Variants in FOXP2 observed in about 807,000 individuals in gnomAD.
FOXP2 encodes the protein forkhead box protein P2.
Under a neutral mutation model 115.8 loss-of-function variants are expected in FOXP2, and 12 were observed. The ratio of observed to expected loss-of-function variants is 0.10; its 90% confidence interval spans 0.07 to 0.17. FOXP2 has a LOEUF of 0.17. Ranked by LOEUF, FOXP2 falls within the 10% of genes least tolerant of loss-of-function variation. The pLI is 1.00. For synonymous variants in FOXP2, 328 were observed against 297.7 expected, an observed-to-expected ratio of 1.10 and a Z score of -1.05; for missense variants, 629 against 843.5, an observed-to-expected ratio of 0.75 and a Z score of 3.15.
intron 2 of FOXP2, among the ~76,000 whole-genome samples, chr7:114,435,338 G>A (rs1333096216): frequency 6.6e-6 from 1 of 152,016 alleles, no homozygotes; most frequent in African/African-American, 2.4e-5. Context: ...GGCAGAAAAA[G>A]GGTAGAAAGA....
chr7:114,667,356 G>A (rs1191244534), intron 16 of FOXP2: 1 of 152,102 alleles, frequency 6.6e-6, no homozygotes, highest in African/African-American at 2.4e-5. Context: ...TGAGCCTAGG[G>A]ATTTCGAGGT....
At position 114,690,215 on chromosome 7, in the gene FOXP2, C is replaced by T. The variant is rs1470223823; in HGVS notation, c.*289C>T. On this transcript the variant is annotated 3_prime_UTR_variant, in exon 17 of 17. Transcript: ENST00000350908. ...ACTGTTCTTTCTATAATGGCTTTGC[C>T]CATTTAAAAAATGTGGCTCTTAAGG... is the stretch of plus-strand genomic sequence containing the variant. The T allele has an allele frequency of 2.1e-6, 1 of 487,368 alleles. No individual in the cohort carries two copies. Among genetic ancestry groups the T allele is most frequent in the Admixed American group, 2.3e-5 (1 of 43,260 alleles). The allele number at this position is 487,368 out of a possible 1,614,324, so 30.2% of individuals were successfully genotyped here.
chr7:114,446,574 T>C lies in FOXP2; in HGVS notation c.168+19895T>C, dbSNP rs542221462. ...TTATATATAATCATTCTTTATATAC[T>C]CTTTAAATATACCAATATTATAGCT... On this transcript the variant is annotated intron_variant, in intron 2 of 16. Coordinates refer to ENST00000350908, the MANE Select transcript of FOXP2 (RefSeq NM_014491.4). Among the ~76,000 whole-genome samples the C allele has an allele frequency of 2.6e-5, 4 of 152,134 alleles. No individual in the cohort carries two copies. The South Asian group carries it at 8.3e-4, about 32-fold the overall frequency.
At chr7:114,557,272 A>G (rs1299909409) in intron 3 of FOXP2, among the ~76,000 whole-genome samples, 1 of 152,180 alleles carries the variant, frequency 6.6e-6, no homozygotes, top group African/African-American at 2.4e-5. Context: ...AGCCATCCTG[A>G]AAGCCATTTC....
At chr7:114,579,258 G>T (rs998620721) in intron 3 of FOXP2, among the ~76,000 whole-genome samples, 2 of 152,166 alleles carry the variant, frequency 1.3e-5, no homozygotes, top group South Asian at 2.1e-4. Flanking sequence ...GACACTCAAT[G>T]TATAAAGCCC....
At chr7:114,265,112 A>G (rs559556639) in intron 1 of FOXP2, among the ~76,000 whole-genome samples, 1 of 152,332 alleles carries the variant, frequency 6.6e-6, no homozygotes, top group South Asian at 2.1e-4. Context: ...GCCTTTCCCA[A>G]CAGTTCCCCA....
intron 2 of FOXP2, among the ~76,000 whole-genome samples, chr7:114,370,657 G>T (rs1328727740): frequency 1.3e-5 from 2 of 152,156 alleles, no homozygotes; most frequent in East Asian, 3.8e-4. Context: ...AACTCTTAGA[G>T]TTCCTGTGTG....
intron 10 of FOXP2, among the ~76,000 whole-genome samples, chr7:114,654,743 G>A (rs1454874643): frequency 8.5e-5 from 13 of 152,130 alleles, no homozygotes. Context: ...GGTAACTCTA[G>A]TTTAATGAAA....
At chr7:114,498,286 C>T (rs1797413525) in intron 2 of FOXP2, among the ~76,000 whole-genome samples, 1 of 152,088 alleles carries the variant, frequency 6.6e-6, no homozygotes, top group Non-Finnish European at 1.5e-5. Context: ...AGATGAGCTC[C>T]ACAATGGTTT....
intron 3 of FOXP2, among the ~76,000 whole-genome samples, chr7:114,563,651 C>A (rs1800859995): frequency 6.6e-6 from 1 of 152,202 alleles, no homozygotes; most frequent in Non-Finnish European, 1.5e-5. Flanking sequence ...ATTACCACTA[C>A]ATAAGTTGCT....
At chr7:114,406,966 T>A (rs1376317568) in intron 2 of FOXP2, among the ~76,000 whole-genome samples, 1 of 152,004 alleles carries the variant, frequency 6.6e-6, no homozygotes, top group Non-Finnish European at 1.5e-5. Context: ...TATGTCTGCT[T>A]GTTTTAGTAA....
intron 1 of FOXP2, among the ~76,000 whole-genome samples, chr7:114,128,583 A>T (rs1367479810): frequency 1.3e-5 from 2 of 152,008 alleles, no homozygotes; most frequent in African/African-American, 4.8e-5. Flanking sequence ...TCCCTCAAAT[A>T]ACTCACTAGT....
At chr7:114,417,855 A>T (rs1429909829) in intron 1 of FOXP2, among the ~76,000 whole-genome samples, 1 of 151,920 alleles carries the variant, frequency 6.6e-6, no homozygotes, top group Non-Finnish European at 1.5e-5. Context: ...GTATTTTCTT[A>T]TAGCATTCTT....
rs545282425 is a variant in FOXP2, at chr7:114,382,605, T to TA, written c.-10-43896dup. Reference sequence around the variant, plus strand: ...GACTAAAGCAGTGGCCTTTTTTTTTTATCCCGTTTGTCCCATTTTGCCTGC... The same window carrying TA: ...GACTAAAGCAGTGGCCTTTTTTTTTTAATCCCGTTTGTCCCATTTTGCCTGC... On this transcript the variant is annotated intron_variant, in intron 2 of 17. Transcript: ENST00000634411. Among the ~76,000 whole-genome samples, 117 of 152,182 alleles carry TA rather than the reference T, an allele frequency of 7.7e-4. 1 individual carries two copies. The highest frequency in any genetic ancestry group is 2.7e-3 in the African/African-American group (114 of 41,516).
At chr7:114,113,629 G>C (rs1379513825) in intron 1 of FOXP2, among the ~76,000 whole-genome samples, 2 of 151,970 alleles carry the variant, frequency 1.3e-5, no homozygotes, top group African/African-American at 4.8e-5. Context: ...TCAGCCTCCT[G>C]AGTACCCAGG....
chr7:114,507,515 C>T (rs1797879763), intron 2 of FOXP2, among the ~76,000 whole-genome samples: 1 of 151,832 alleles, frequency 6.6e-6, no homozygotes, highest in South Asian at 2.1e-4. Flanking sequence ...ATGTTAAAAA[C>T]TGAGAAATAA....
intron 2 of FOXP2, among the ~76,000 whole-genome samples, chr7:114,495,655 G>A (rs931072758): frequency 2.0e-5 from 3 of 151,620 alleles, no homozygotes; most frequent in Non-Finnish European, 4.4e-5. Context: ...ACAGGCATGT[G>A]CCACCATGCT....
rs143112488 is a variant in FOXP2, at chr7:114,451,169, G to A, written c.168+24490G>A. Among the ~76,000 whole-genome samples the A allele has an allele frequency of 2.3e-3, 355 of 152,172 alleles. 1 individual carries two copies. The highest frequency in any genetic ancestry group is 8.2e-3 in the African/African-American group (341 of 41,542). ...CTATTTTCCCAGCAGAACCTGGGAA[G>A]CATTTTAATGCTTGTTCTTTCAAGT... On this transcript the variant is annotated intron_variant, in intron 2 of 16. Transcript: ENST00000350908.
At chr7:114,469,485 A>G (rs2129229416) in intron 2 of FOXP2, among the ~76,000 whole-genome samples, 1 of 152,326 alleles carries the variant, frequency 6.6e-6, no homozygotes, top group South Asian at 2.1e-4. Flanking sequence ...GTTTTTACAA[A>G]GATATCTAAA....
Sources: allele counts gnomAD v4.1 joint callset (sites outside exome capture counted in the v4.1 genomes callset), GRCh38; gene constraint gnomAD v4.1.1; transcripts MANE v1.5; gene names NCBI Gene and HGNC (gene_info 2026-07-23, HGNC 2026-07-21).